DAAM1: variants seen among roughly 807,000 people sequenced by gnomAD.
The protein encoded by DAAM1 is dishevelled associated activator of morphogenesis 1.
Under a neutral mutation model 130.0 loss-of-function variants are expected in DAAM1, and 52 were observed. The observed-to-expected ratio is 0.40, with a 90% CI of 0.32 to 0.50. DAAM1 has a LOEUF of 0.50. DAAM1 is among the 20% of genes least tolerant of loss of function. DAAM1 has a pLI of 0.61. For synonymous variants in DAAM1, 452 were observed against 444.5 expected (o/e 1.02, Z -0.21); for missense variants, 1,134 against 1,303.8 (o/e 0.87, Z 2.01).
intron 2 of DAAM1, chr14:59,265,281 G>T (rs945776341): frequency 2.0e-5 from 3 of 152,204 alleles, no homozygotes; most frequent in Non-Finnish European, 2.9e-5. Context: ...ACCAGAGTTG[G>T]TCGGGAAAAA....
intron 1 of DAAM1, among the ~76,000 whole-genome samples, chr14:59,255,774 C>T (rs1881853777): frequency 6.6e-6 from 1 of 152,086 alleles, no homozygotes; most frequent in Non-Finnish European, 1.5e-5. Context: ...TTTATAGTAC[C>T]AGAACAATGA....
At chr14:59,252,337 C>A (rs1156833347) in intron 1 of DAAM1, among the ~76,000 whole-genome samples, 4 of 152,180 alleles carry the variant, frequency 2.6e-5, no homozygotes, top group Non-Finnish European at 5.9e-5. Context: ...GGAATCATAT[C>A]AGTATTACAA....
intron 8 of DAAM1, among the ~76,000 whole-genome samples, chr14:59,325,060 C>T (rs1322339349): frequency 4.6e-5 from 7 of 152,154 alleles, no homozygotes; most frequent in South Asian, 2.1e-4. Context: ...AGTGCCTTTG[C>T]GCTTGCTGTT....
intron 1 of DAAM1, among the ~76,000 whole-genome samples, chr14:59,212,286 T>C (rs905353354): frequency 8.5e-5 from 13 of 152,204 alleles, no homozygotes; most frequent in Non-Finnish European, 1.3e-4. Context: ...TATAAACTTT[T>C]TTGAAGTCAG....
At chr14:59,230,255 C>G (rs1436934907) in intron 1 of DAAM1, among the ~76,000 whole-genome samples, 1 of 151,536 alleles carries the variant, frequency 6.6e-6, no homozygotes, top group African/African-American at 2.4e-5. Flanking sequence ...CACAGAGACT[C>G]CTGTAACTGG....
At position 59,330,036 on chromosome 14, in the gene DAAM1, C is replaced by T. The variant is rs1219218072; in HGVS notation, c.1373-465C>T. On this transcript the variant is annotated intron_variant, in intron 12 of 24. Coordinates refer to ENST00000360909, the MANE Select transcript of DAAM1 (RefSeq NM_001270520.2). ...CACAGGTGAGACCCTCCCTTCCAGC[C>T]CTTCGGCTGGTTGGATGTGAGCTGG... Among the ~76,000 whole-genome samples, 3 of 152,336 alleles carry T rather than the reference C, an allele frequency of 2.0e-5. No homozygotes were observed. In the East Asian group the frequency reaches 5.8e-4, roughly 29 times the overall value.
At chr14:59,229,223 G>T (rs1291556980) in intron 1 of DAAM1, among the ~76,000 whole-genome samples, 1 of 152,136 alleles carries the variant, frequency 6.6e-6, no homozygotes, top group Non-Finnish European at 1.5e-5. Context: ...AGCGAATGAT[G>T]CATTTTGTAG....
At chr14:59,309,762 C>T (rs932136271) in intron 3 of DAAM1, among the ~76,000 whole-genome samples, 3 of 152,114 alleles carry the variant, frequency 2.0e-5, no homozygotes, top group Non-Finnish European at 2.9e-5. Context: ...TAGCCATCTT[C>T]GAGAAGATGC....
chr14:59,350,802 G>A lies in DAAM1; in HGVS notation c.2161-1724G>A, dbSNP rs565595016. ...GCATCTCCTTGGCCTCCTTTTGAAG[G>A]TTTTTCCTTTTCTTGTCCTGGCGCC... On this transcript the variant is annotated intron_variant, in intron 17 of 24. Coordinates refer to ENST00000360909, the MANE Select transcript of DAAM1 (RefSeq NM_001270520.2). Among the ~76,000 whole-genome samples the A allele has an allele frequency of 4.6e-5, 7 of 152,188 alleles. No individual in the cohort carries two copies. In the South Asian group the frequency reaches 8.3e-4, roughly 18 times the overall value.
intron 1 of DAAM1, among the ~76,000 whole-genome samples, chr14:59,253,778 G>T (rs578206411): frequency 2.0e-5 from 3 of 152,178 alleles, no homozygotes; most frequent in African/African-American, 7.2e-5. Flanking sequence ...TTCCCCAGGG[G>T]ACCCTGTCTA....
At chr14:59,208,851 T>G (rs933435157) in intron 1 of DAAM1, among the ~76,000 whole-genome samples, 1 of 152,122 alleles carries the variant, frequency 6.6e-6, no homozygotes, top group Non-Finnish European at 1.5e-5. Context: ...TATGGTTGTT[T>G]AAAAGAGTTT....
At chr14:59,341,613 CAT>C (rs1566713651) in intron 16 of DAAM1, among the ~76,000 whole-genome samples, 5 of 152,120 alleles carry the variant, frequency 3.3e-5, no homozygotes, top group South Asian at 2.1e-4. Context: ...ACAAAAAAAA[CAT>C]AGTCTATGTA....
intron 2 of DAAM1, among the ~76,000 whole-genome samples, chr14:59,281,167 G>T (rs1442682245): frequency 6.6e-6 from 1 of 152,120 alleles, no homozygotes; most frequent in Non-Finnish European, 1.5e-5. Context: ...CACCCTCGGG[G>T]GGTTGCCTCA....
rs745347706 is a variant in DAAM1 at position 59,331,346 on chromosome 14, G to A, written c.1698G>A (p.Pro566=). ...CAGGTGGGATGCTTCCCCCTCCACC[G>A]CCTCCCCTCCCTCCAGGTGGCCCTC... is the stretch of plus-strand genomic sequence containing the variant. ...PLPGGMLPPP[P]PPLPPGGPPP... Residue 566 remains proline, a synonymous_variant, in exon 14 of 25, where the codon CCG becomes CCA. Transcript: ENST00000360909. The A allele has an allele frequency of 1.4e-5, 16 of 1,152,460 alleles. 1 individual carries two copies. The highest frequency in any genetic ancestry group is 1.4e-4 in the African/African-American group (6 of 44,362). The allele number at this position is 1,152,460 out of a possible 1,614,324, so 71.4% of individuals were successfully genotyped here. A position where few individuals can be genotyped will look rare whatever the true frequency, so the allele number is the denominator to read the frequency against.
intron 1 of DAAM1, among the ~76,000 whole-genome samples, chr14:59,249,498 A>AT (rs1236160397): frequency 6.6e-6 from 1 of 152,226 alleles, no homozygotes; most frequent in Non-Finnish European, 1.5e-5. Context: ...TTAAGTGGCC[A>AT]TATTTGAGGG....
At chr14:59,283,752 C>T (rs1234718775) in intron 2 of DAAM1, among the ~76,000 whole-genome samples, 1 of 152,068 alleles carries the variant, frequency 6.6e-6, no homozygotes, top group African/African-American at 2.4e-5. Flanking sequence ...ATATTTTAGG[C>T]CATGACTAGG....
intron 2 of DAAM1, among the ~76,000 whole-genome samples, chr14:59,272,577 AAAAC>A (rs148467327): frequency 0.28 from 41,347 of 148,956 alleles, 6,182 homozygotes; most frequent in African/African-American, 0.39. Context: ...ACTGTCTCAA[AAAAC>A]AAACAAACAA....
chr14:59,194,686 G>A (rs906441791), intron 1 of DAAM1, among the ~76,000 whole-genome samples: 1 of 152,214 alleles, frequency 6.6e-6, no homozygotes, highest in African/African-American at 2.4e-5. Flanking sequence ...AGTCAAACAT[G>A]TAATCTAATA....
chr14:59,197,851 G>A (rs1210379040), intron 1 of DAAM1, among the ~76,000 whole-genome samples: 1 of 152,024 alleles, frequency 6.6e-6, no homozygotes, highest in African/African-American at 2.4e-5. Flanking sequence ...TCCATATCTT[G>A]GGAGCCCCAT....
Sources: allele counts gnomAD v4.1 joint callset (sites outside exome capture counted in the v4.1 genomes callset), GRCh38; gene constraint gnomAD v4.1.1; transcripts MANE v1.5; gene names NCBI Gene and HGNC (gene_info 2026-07-23, HGNC 2026-07-21).